AADAT: variants seen among roughly 807,000 people sequenced by gnomAD.
The protein encoded by AADAT is aminoadipate aminotransferase, also known as kynurenine/alpha-aminoadipate aminotransferase, mitochondrial.
AADAT carries 25 observed loss-of-function variants against 56.2 expected under a neutral mutation model. The ratio of observed to expected loss-of-function variants is 0.44; its 90% CI spans 0.32 to 0.62. The LOEUF is 0.62. Among genes scored for constraint, AADAT ranks in the 20% least tolerant of loss-of-function variants. The pLI is 0.04. For missense variants in AADAT, 387 were observed against 510.5 expected, an observed-to-expected ratio of 0.76 and a Z score of 2.33; for synonymous variants, 173 against 164.7, an observed-to-expected ratio of 1.05 and a Z score of -0.39.
chr4:170,092,898 G>T (rs899381670), upstream of AADAT, among the ~76,000 whole-genome samples: 1 of 152,188 alleles, frequency 6.6e-6, no homozygotes, highest in Non-Finnish European at 1.5e-5. Flanking sequence ...CAACTTTTAA[G>T]GCCTGTTCTC....
Position 170,064,700 on chromosome 4 carries a change from C to G in AADAT, c.1134+19G>C. 1.3e-6 allele frequency: 2 copies of G among 1,565,536 alleles called. No homozygotes were observed. Among genetic ancestry groups the G allele is most frequent in the Non-Finnish European group, 1.7e-6 (2 of 1,155,106 alleles). ...TAACTTTTCCTTAGGTTTCCCAGCC[C>G]TTCACCTCCCAGTTTTACCCCCATC... On this transcript the variant is annotated intron_variant, in intron 11 of 12. Coordinates refer to ENST00000337664, the MANE Select transcript of AADAT (RefSeq NM_016228.4).
At chr4:170,070,702 A>G in intron 5 of AADAT, 50 bp from the exon 6 acceptor site, 2 of 1,249,804 alleles carry the variant, frequency 1.6e-6, no homozygotes, top group Non-Finnish European at 2.3e-6. Flanking sequence ...TTATTTCTTA[A>G]AAGTTATCTA....
chr4:170,073,779 G>A lies in AADAT; in HGVS notation c.445-434C>T, dbSNP rs1376529361. ...CTCCCAAAGTGCTAGGATTACAGCC[G>A]TGAGCTGCCACGCCCCTGGGGCAGA... On this transcript the variant is annotated intron_variant, in intron 4 of 12. Transcript: ENST00000337664. 3.3e-5 allele frequency among the ~76,000 whole-genome samples: 5 copies of A among 152,258 alleles called. No individual in the cohort carries two copies. In the South Asian group the frequency reaches 6.2e-4, roughly 19 times the overall value.
upstream of AADAT, among the ~76,000 whole-genome samples, chr4:170,092,498 T>C (rs997806583): frequency 6.6e-6 from 1 of 152,230 alleles, no homozygotes; most frequent in African/African-American, 2.4e-5. Flanking sequence ...ACACACTGAC[T>C]TTAAGAACTG....
At position 170,075,677 on chromosome 4, in the gene AADAT, CTCTG is replaced by C. The variant is rs552312674; in HGVS notation, c.445-2336_445-2333del. On this transcript the variant is annotated intron_variant, in intron 4 of 12. Transcript: ENST00000337664. ...CATTCACAATGTGTGCATCCATCAC[CTCTG>C]TCTATTTCCAAAACTTTTTCCTCAC... Among the ~76,000 whole-genome samples the C allele has an allele frequency of 1.7e-3, 264 of 152,222 alleles. 2 individuals are homozygous for C. Among genetic ancestry groups the C allele is most frequent in the Middle Eastern group, 0.01 (3 of 294 alleles).
At position 170,088,380 on chromosome 4, in the gene AADAT, A is replaced by G. The variant is rs373688058; in HGVS notation, c.236+16T>C. ...GAAAATAAGCCAATAAAATTATGTT[A>G]AGTATTGATACTTACCCAGCACTCG... On this transcript the variant is annotated intron_variant, in intron 2 of 12. Transcript: ENST00000337664. 6.9e-5 allele frequency: 107 copies of G among 1,559,758 alleles called. No homozygotes were observed. The highest frequency in any genetic ancestry group is 8.9e-5 in the Non-Finnish European group (102 of 1,143,138).
intron 4 of AADAT, among the ~76,000 whole-genome samples, chr4:170,075,914 T>A (rs767471156): frequency 6.6e-6 from 1 of 152,242 alleles, no homozygotes; most frequent in Non-Finnish European, 1.5e-5. Flanking sequence ...GTAATATGTA[T>A]CAGATCTGTG....
chr4:170,087,949 A>T (rs1188505732), intron 2 of AADAT, among the ~76,000 whole-genome samples: 1 of 150,866 alleles, frequency 6.6e-6, no homozygotes, highest in Admixed American at 6.6e-5. Flanking sequence ...AGACTATAGA[A>T]TGAAGAAACG....
At chr4:170,089,365 GC>G in intron 1 of AADAT, 2 of 588,886 alleles carry the variant, frequency 3.4e-6, no homozygotes, top group Non-Finnish European at 6.1e-6. Context: ...CCAAGGCCGT[GC>G]CCCACAGCAG....
intron 4 of AADAT, among the ~76,000 whole-genome samples, chr4:170,075,731 TAATC>T (rs1333916199): frequency 9.9e-5 from 15 of 152,220 alleles, no homozygotes; most frequent in African/African-American, 3.6e-4. Context: ...CTGTACCTAT[TAATC>T]AATAACTCTC....
intron 11 of AADAT, among the ~76,000 whole-genome samples, chr4:170,063,756 T>C (rs1009977725): frequency 6.6e-6 from 1 of 152,188 alleles, no homozygotes; most frequent in Non-Finnish European, 1.5e-5. Flanking sequence ...TTAGTTCTTA[T>C]GATTCAAGAC....
chr4:170,083,769 C>A (rs1269743679), intron 3 of AADAT, among the ~76,000 whole-genome samples: 1 of 152,050 alleles, frequency 6.6e-6, no homozygotes, highest in African/African-American at 2.4e-5. Flanking sequence ...AAAGGGGAAC[C>A]TTTATACACT....
chr4:170,068,138 CAAA>C (rs1217763818), intron 8 of AADAT, among the ~76,000 whole-genome samples: 6 of 72,932 alleles, frequency 8.2e-5, no homozygotes, highest in African/African-American at 9.5e-5. Flanking sequence ...GACTCTGTCT[CAAA>C]AAAAAAAAAA....
In AADAT at chr4:170,074,608, C is replaced by T. The variant is rs566005506; in HGVS notation, c.445-1263G>A. ...TATAGCATGGGTATATCAGATACAG[C>T]GCAGCCTGGAATGGGGACCTGTAGG... On this transcript the variant is annotated intron_variant, in intron 4 of 12. Coordinates refer to ENST00000337664, the MANE Select transcript of AADAT (RefSeq NM_016228.4). Among the ~76,000 whole-genome samples the T allele has an allele frequency of 1.4e-4, 21 of 152,072 alleles. No homozygotes were observed. In the South Asian group the frequency reaches 3.7e-3, roughly 27 times the overall value.
At chr4:170,081,376 G>C (rs1012998523) in intron 3 of AADAT, among the ~76,000 whole-genome samples, 1 of 152,150 alleles carries the variant, frequency 6.6e-6, no homozygotes, top group African/African-American at 2.4e-5. Context: ...AAAGCAAGCA[G>C]TACAAAGCTT....
intron 2 of AADAT, among the ~76,000 whole-genome samples, chr4:170,087,485 ATGAGC>A (rs760665377): frequency 1.3e-5 from 2 of 152,180 alleles, no homozygotes; most frequent in Non-Finnish European, 2.9e-5. Context: ...TACGTAATAA[ATGAGC>A]TGAGATTTGA....
chr4:170,074,154 T>G (rs1019599248), intron 4 of AADAT, among the ~76,000 whole-genome samples: 9 of 152,192 alleles, frequency 5.9e-5, no homozygotes, highest in African/African-American at 2.2e-4. Flanking sequence ...TAACCTAGCT[T>G]CTTCTGACGG....
chr4:170,064,644 T>C (rs2111142525), intron 11 of AADAT, 75 bp downstream of exon 11: 1 of 1,154,566 alleles, frequency 8.7e-7, no homozygotes, highest in Non-Finnish European at 1.2e-6. Context: ...TTCTTTCCAT[T>C]CTATTCAAGC....
At chr4:170,093,143 C>T (rs1261777941), upstream of AADAT, among the ~76,000 whole-genome samples, 1 of 152,046 alleles carries the variant, frequency 6.6e-6, no homozygotes, top group Non-Finnish European at 1.5e-5. Flanking sequence ...AAAATTTAAA[C>T]TTTGGCCAGG....
Sources: allele counts gnomAD v4.1 joint callset (sites outside exome capture counted in the v4.1 genomes callset), GRCh38; gene constraint gnomAD v4.1.1; transcripts MANE v1.5; gene names NCBI Gene and HGNC (gene_info 2026-07-23, HGNC 2026-07-21).